Variants in RYR3 observed in about 807,000 individuals in gnomAD.
The protein encoded by RYR3 is ryanodine receptor 3.
Under a neutral mutation model 584.3 loss-of-function variants are expected in RYR3, and 207 were observed. That is an observed-to-expected ratio of 0.35 (90% CI 0.32 to 0.40). RYR3 has a LOEUF of 0.40. RYR3 is among the 10% of genes least tolerant of loss of function. The pLI, the probability that RYR3 is intolerant of heterozygous loss-of-function variation, is 1.00. For missense variants in RYR3, 5,616 were observed against 6,089.2 expected (o/e 0.92, Z 2.59); for synonymous variants, 2,416 against 2,248.5 (o/e 1.07, Z -2.11).
At chr15:33,819,675 AAAATAAATAAATAAATAAATAAAT>A (rs10631080) in intron 76 of RYR3, 57 bp from the exon 77 acceptor site, 32 of 653,758 alleles carry the variant, frequency 4.9e-5, no homozygotes, top group South Asian at 1.2e-4. Flanking sequence ...CTCTGTCTCA[AAAATAAATAAATAAATAAATAAAT>A]AAATAAATAA....
intron 39 of RYR3, 136 bp downstream of exon 39, chr15:33,696,627 G>A: frequency 1.1e-6 from 1 of 941,322 alleles, no homozygotes; most frequent in Non-Finnish European, 1.6e-6. Flanking sequence ...CACTCCTCAT[G>A]GAGTCATATC....
chr15:33,558,074 T>C (rs75087186), intron 10 of RYR3, among the ~76,000 whole-genome samples: 2 of 152,198 alleles, frequency 1.3e-5, no homozygotes, highest in Non-Finnish European at 2.9e-5. Context: ...CAGTTTTTTT[T>C]CTGAGAACAT....
At chr15:33,327,604 G>A (rs1021514948) in intron 1 of RYR3, among the ~76,000 whole-genome samples, 2 of 152,104 alleles carry the variant, frequency 1.3e-5, no homozygotes, top group African/African-American at 2.4e-5. Flanking sequence ...AAACAATCAG[G>A]TGCTTGATCA....
At chr15:33,646,743 A>G (rs1306013504) in intron 29 of RYR3, among the ~76,000 whole-genome samples, 1 of 152,234 alleles carries the variant, frequency 6.6e-6, no homozygotes, top group African/African-American at 2.4e-5. Flanking sequence ...AATCATGCTA[A>G]ACAGACACAT....
intron 43 of RYR3, among the ~76,000 whole-genome samples, chr15:33,713,583 C>CA (rs2067274742): frequency 6.6e-6 from 1 of 152,034 alleles, no homozygotes; most frequent in Non-Finnish European, 1.5e-5. Context: ...AGGCACTGTT[C>CA]AAAACACTTT....
intron 27 of RYR3, among the ~76,000 whole-genome samples, chr15:33,642,283 G>C (rs968294175): frequency 6.6e-5 from 10 of 152,168 alleles, no homozygotes; most frequent in African/African-American, 2.2e-4. Flanking sequence ...CACCATCCAG[G>C]TTCATGGAGA....
chr15:33,807,932 C>T (rs975648883), intron 70 of RYR3: 3 of 268,582 alleles, frequency 1.1e-5, no homozygotes, highest in Non-Finnish European at 2.1e-5. Context: ...GGGTCAGAGT[C>T]CTATTTTTTA....
rs374943215 is a variant in RYR3, at chr15:33,636,565, C to T, written c.3556+15C>T. 2 of 1,558,932 alleles carry T rather than the reference C, an allele frequency of 1.3e-6. No individual in the cohort carries two copies. Among genetic ancestry groups the T allele is most frequent in the Non-Finnish European group, 1.7e-6 (2 of 1,155,396 alleles). On this transcript the variant is annotated intron_variant, in intron 27 of 103. Coordinates refer to ENST00000634891, the MANE Select transcript of RYR3 (RefSeq NM_001036.6). ...GATTGAGAATGGTAAATCTAACACC[C>T]TCTGCCAACCCCAGCTCCATGAGGC...
At chr15:33,460,300 C>T (rs1032400703) in intron 1 of RYR3, among the ~76,000 whole-genome samples, 2 of 152,250 alleles carry the variant, frequency 1.3e-5, no homozygotes, top group African/African-American at 4.8e-5. Flanking sequence ...GCAATGCCCG[C>T]TGCTACACTA....
chr15:33,696,733 T>C lies in RYR3; in HGVS notation c.6134+242T>C, dbSNP rs557835252. Among the ~76,000 whole-genome samples, 55 of 152,262 alleles carry C rather than the reference T, an allele frequency of 3.6e-4. No individual in the cohort carries two copies. The South Asian group carries it at 0.011, about 31-fold the overall frequency. Reference sequence around the variant, plus strand: ...AAAGCAGTTACTTGATTTTAATCTTTTGAAAATAGCCCCAGGGAGCCCATG... The same window carrying C: ...AAAGCAGTTACTTGATTTTAATCTTCTGAAAATAGCCCCAGGGAGCCCATG... On this transcript the variant is annotated intron_variant, in intron 39 of 103. Coordinates refer to ENST00000634891, the MANE Select transcript of RYR3 (RefSeq NM_001036.6).
At chr15:33,392,199 CAAAA>C (rs5811756) in intron 1 of RYR3, among the ~76,000 whole-genome samples, 60 of 138,316 alleles carry the variant, frequency 4.3e-4, no homozygotes, top group African/African-American at 1.4e-3. Context: ...GGTAAGCCCT[CAAAA>C]AAAAAAAAAA....
chr15:33,573,864 GT>G (rs1419916918), intron 12 of RYR3, among the ~76,000 whole-genome samples: 1 of 152,196 alleles, frequency 6.6e-6, no homozygotes. Flanking sequence ...AGTAATGTCT[GT>G]TTTCACCATT....
intron 12 of RYR3, among the ~76,000 whole-genome samples, chr15:33,569,202 G>T (rs1339267059): frequency 6.6e-6 from 1 of 152,130 alleles, no homozygotes; most frequent in Non-Finnish European, 1.5e-5. Context: ...CATTTCTCTT[G>T]GGTAAATACT....
At chr15:33,811,393 T>A (rs887997775) in intron 72 of RYR3, among the ~76,000 whole-genome samples, 8 of 151,796 alleles carry the variant, frequency 5.3e-5, no homozygotes, top group African/African-American at 1.5e-4. Flanking sequence ...TAGTCTCAGC[T>A]ACTTGGGAGG....
chr15:33,432,217 A>C (rs1243733524), intron 1 of RYR3, among the ~76,000 whole-genome samples: 1 of 152,186 alleles, frequency 6.6e-6, no homozygotes. Flanking sequence ...GGATCATAAA[A>C]ATCATAGGTG....
chr15:33,750,839 A>AT (rs2071217461), intron 57 of RYR3, among the ~76,000 whole-genome samples: 1 of 152,130 alleles, frequency 6.6e-6, no homozygotes, highest in Admixed American at 6.5e-5. Flanking sequence ...TGTCATCTAC[A>AT]TTTGGTATTT....
At chr15:33,374,961 A>G (rs1486969666) in intron 1 of RYR3, among the ~76,000 whole-genome samples, 1 of 152,244 alleles carries the variant, frequency 6.6e-6, no homozygotes, top group African/African-American at 2.4e-5. Flanking sequence ...AATATTTATT[A>G]TAATCACTGC....
At chr15:33,746,032 G>T in intron 52 of RYR3, 36 bp from the exon 53 acceptor site, 1 of 1,430,010 alleles carries the variant, frequency 7.0e-7, no homozygotes, top group Non-Finnish European at 9.7e-7. Context: ...GGTTCTTTGC[G>T]TGCCAAGGAT....
chr15:33,413,451 A>G (rs536049056), intron 1 of RYR3, among the ~76,000 whole-genome samples: 1 of 152,272 alleles, frequency 6.6e-6, no homozygotes, highest in African/African-American at 2.4e-5. Flanking sequence ...AAGACAGTCC[A>G]GTCATTGCCA....
Sources: allele counts gnomAD v4.1 joint callset (sites outside exome capture counted in the v4.1 genomes callset), GRCh38; gene constraint gnomAD v4.1.1; transcripts MANE v1.5; gene names NCBI Gene and HGNC (gene_info 2026-07-23, HGNC 2026-07-21).